Variants in MCTS2 observed in about 807,000 individuals in gnomAD.
MCTS2 encodes MCTS family member 2, also known as malignant T-cell-amplified sequence 2.
chr20:31,547,481 T>G, the MCTS2 span: 1 of 632,442 alleles, frequency 1.6e-6, no homozygotes, highest in Non-Finnish European at 2.8e-6. Flanking sequence ...GTTTCCCTGT[T>G]GTCGCCCGCT....
the MCTS2 span, chr20:31,547,684 A>G: frequency 1.4e-6 from 2 of 1,417,666 alleles, no homozygotes; most frequent in East Asian, 2.3e-5. Context: ...ACATACAGAA[A>G]TCCTTACCGT....
At chr20:31,547,420 C>T in the MCTS2 span, 2 of 471,220 alleles carry the variant, frequency 4.2e-6, no homozygotes, top group East Asian at 4.2e-5. Context: ...GCGTGGCGCC[C>T]GCGCCGGCCT....
the MCTS2 span, chr20:31,547,984 G>C: frequency 1.9e-6 from 3 of 1,578,592 alleles, no homozygotes; most frequent in African/African-American, 2.7e-5. Flanking sequence ...AGTCAACAAA[G>C]GAATTGGCAT....
the MCTS2 span, chr20:31,547,464 TC>T: frequency 5.0e-6 from 3 of 596,710 alleles, no homozygotes; most frequent in Non-Finnish European, 8.9e-6. Flanking sequence ...CCTTGCCAAT[TC>T]CGTTTGTTTC....
the MCTS2 span, chr20:31,547,969 G>GA: frequency 6.4e-7 from 1 of 1,551,494 alleles, no homozygotes; most frequent in Non-Finnish European, 8.9e-7. Context: ...AGAAGATATT[G>GA]AGAAAGTCAA....
the MCTS2 span, chr20:31,547,732 C>A: frequency 9.2e-7 from 1 of 1,086,752 alleles, no homozygotes; most frequent in Non-Finnish European, 1.4e-6. Flanking sequence ...AAGAAAGGGG[C>A]CTTTTTGTCC....
the MCTS2 span, chr20:31,548,043 T>C: frequency 6.4e-7 from 1 of 1,573,818 alleles, no homozygotes; most frequent in Non-Finnish European, 8.7e-7. Flanking sequence ...TGAAGACATA[T>C]AAATGAGCCT....
chr20:31,547,733 C>A, the MCTS2 span: 1 of 1,092,906 alleles, frequency 9.1e-7, no homozygotes, highest in Non-Finnish European at 1.4e-6. Flanking sequence ...AGAAAGGGGC[C>A]TTTTTGTCCA....
chr20:31,547,503 C>G, the MCTS2 span: 1 of 703,698 alleles, frequency 1.4e-6, no homozygotes. Context: ...CACCCTGGAT[C>G]ATGTTCAAGA....
the MCTS2 span, chr20:31,547,979 A>G: frequency 1.5e-5 from 23 of 1,574,052 alleles, no homozygotes; most frequent in African/African-American, 2.0e-4. Flanking sequence ...GAGAAAGTCA[A>G]CAAAGGAATT....
At chr20:31,547,967 T>C in the MCTS2 span, 121 of 1,541,316 alleles carry the variant, frequency 7.9e-5, no homozygotes, top group Admixed American at 1.5e-4. Context: ...GCAGAAGATA[T>C]TGAGAAAGTC....
chr20:31,547,988 T>C, the MCTS2 span: 13 of 1,582,808 alleles, frequency 8.2e-6, no homozygotes, highest in East Asian at 2.2e-5. Flanking sequence ...AACAAAGGAA[T>C]TGGCATTGAA....
At chr20:31,547,500 G>T in the MCTS2 span, 15 of 697,348 alleles carry the variant, frequency 2.2e-5, no homozygotes, top group Non-Finnish European at 3.2e-5. Flanking sequence ...CTTCACCCTG[G>T]ATCATGTTCA....
At chr20:31,547,819 C>G in the MCTS2 span, 1 of 940,964 alleles carries the variant, frequency 1.1e-6, no homozygotes, top group Non-Finnish European at 1.8e-6. Flanking sequence ...CAAATTTGTA[C>G]TCAGTGGCGC....
chr20:31,548,039 CATATAA>C, the MCTS2 span: 4 of 1,580,398 alleles, frequency 2.5e-6, no homozygotes, highest in Non-Finnish European at 3.5e-6. Context: ...CACATGAAGA[CATATAA>C]ATGAGCCTCA....
At chr20:31,547,943 T>A in the MCTS2 span, 1 of 1,370,302 alleles carries the variant, frequency 7.3e-7, no homozygotes, top group South Asian at 1.2e-5. Flanking sequence ...TGTGTTGGGG[T>A]CATGAAGATG....
chr20:31,548,040 A>G, the MCTS2 span: 4 of 1,579,904 alleles, frequency 2.5e-6, no homozygotes, highest in Admixed American at 5.0e-5. Context: ...ACATGAAGAC[A>G]TATAAATGAG....
At chr20:31,547,479 G>A in the MCTS2 span, 8 of 630,158 alleles carry the variant, frequency 1.3e-5, no homozygotes, top group Admixed American at 2.0e-4. Flanking sequence ...TTGTTTCCCT[G>A]TTGTCGCCCG....
the MCTS2 span, chr20:31,547,884 A>G: frequency 3.0e-6 from 3 of 1,015,320 alleles, no homozygotes; most frequent in African/African-American, 1.6e-5. Flanking sequence ...ACCCTGCTGC[A>G]GTAGATACGA....
Sources: allele counts gnomAD v4.1 joint callset, GRCh38; gene constraint gnomAD v4.1.1; transcripts MANE v1.5; gene names NCBI Gene and HGNC (gene_info 2026-07-23, HGNC 2026-07-21).